Variants in KRT8 observed in about 807,000 individuals in gnomAD.
The protein encoded by KRT8 is keratin, type II cytoskeletal 8.
A neutral mutation model predicts 43.0 loss-of-function variants in KRT8; 24 were observed. The observed-to-expected ratio is 0.56, with a 90% CI of 0.40 to 0.78. The LOEUF is 0.78. KRT8 is among the 30% of genes least tolerant of loss of function. The pLI is 0.00. For synonymous variants in KRT8, 214 were observed against 261.2 expected, an observed-to-expected ratio of 0.82 and a Z score of 1.74; for missense variants, 492 against 638.4, an observed-to-expected ratio of 0.77 and a Z score of 2.47.
In KRT8 at chr12:52,924,133, C is replaced by T. The variant is rs377630624; in HGVS notation, c.-46-19106G>A. On this transcript the variant is annotated intron_variant, in intron 2 of 6. Coordinates refer to the KRT8 transcript ENST00000546826. ...CGAGTTGTGAGCCACCCACCACACC[C>T]GGCCAAAAGCATTATACTTAAAATC... Among the ~76,000 whole-genome samples, 133 of 152,226 alleles carry T rather than the reference C, an allele frequency of 8.7e-4. 1 individual carries two copies. Among genetic ancestry groups the T allele is most frequent in the Admixed American group, 1.8e-3 (28 of 15,278 alleles).
chr12:52,900,829 T>C (rs905740112), intron 3 of KRT8, 146 bp from the exon 4 acceptor site: 4 of 684,724 alleles, frequency 5.8e-6, no homozygotes, highest in Non-Finnish European at 1.1e-5. Flanking sequence ...CCTCTGCCCA[T>C]CACATGTGCA....
intron 2 of KRT8, among the ~76,000 whole-genome samples, chr12:52,938,136 C>CTATATATATATATATATACA (rs1942198983): frequency 2.3e-5 from 1 of 44,052 alleles, no homozygotes; most frequent in African/African-American, 8.2e-5. Flanking sequence ...CACTAGAAAG[C>CTATATATATATATATATACA]TATATATATA....
chr12:52,915,165 A>T (rs1156525811), intron 2 of KRT8, among the ~76,000 whole-genome samples: 1 of 152,044 alleles, frequency 6.6e-6, no homozygotes, highest in African/African-American at 2.4e-5. Context: ...TGAGGTCAGG[A>T]GATCGAGACC....
At chr12:52,949,007 G>A in intron 2 of KRT8, 1 of 583,974 alleles carries the variant, frequency 1.7e-6, no homozygotes, top group Non-Finnish European at 2.9e-6. Flanking sequence ...GGCCCGGGGC[G>A]GAGGGCGCGG....
intron 2 of KRT8, among the ~76,000 whole-genome samples, chr12:52,912,241 C>T (rs1352194210): frequency 2.0e-5 from 3 of 152,142 alleles, no homozygotes; most frequent in Admixed American, 1.3e-4. Flanking sequence ...AGGACTCCTG[C>T]AGTGGGGAAG....
chr12:52,907,032 T>C, upstream of KRT8: 1 of 249,902 alleles, frequency 4.0e-6, no homozygotes, highest in Non-Finnish European at 8.0e-6. Context: ...TTGAAGTCCC[T>C]TCCAGAAAAA....
At chr12:52,913,344 G>A (rs928135688) in intron 2 of KRT8, among the ~76,000 whole-genome samples, 1 of 152,132 alleles carries the variant, frequency 6.6e-6, no homozygotes, top group Non-Finnish European at 1.5e-5. Context: ...ACCTGATTCT[G>A]GTATTCCCCG....
At chr12:52,917,812 A>G (rs1197895867) in intron 2 of KRT8, among the ~76,000 whole-genome samples, 2 of 151,626 alleles carry the variant, frequency 1.3e-5, no homozygotes, top group Non-Finnish European at 2.9e-5. Context: ...CCTGGGAGGC[A>G]TAGGTTGCAG....
intron 5 of KRT8, 31 bp downstream of exon 5, chr12:52,899,744 G>A (rs1005976382): frequency 6.3e-7 from 1 of 1,595,834 alleles, no homozygotes; most frequent in Admixed American, 1.7e-5. Context: ...TGTGTCCAAG[G>A]AACCCCTCCC....
At chr12:52,901,036 T>C (rs770263829) in intron 3 of KRT8, 123 bp downstream of exon 3, 3 of 802,004 alleles carry the variant, frequency 3.7e-6, no homozygotes, top group Non-Finnish European at 6.8e-6. Context: ...ACCCAAATGT[T>C]TACATAAATG....
chr12:52,933,879 C>G (rs1942123615), intron 2 of KRT8, among the ~76,000 whole-genome samples: 1 of 151,714 alleles, frequency 6.6e-6, no homozygotes, highest in African/African-American at 2.4e-5. Context: ...CCCATCTCAG[C>G]CTCCCAAAGT....
chr12:52,899,669 G>T (rs1376933004), intron 5 of KRT8, 106 bp downstream of exon 5: 2 of 1,014,488 alleles, frequency 2.0e-6, no homozygotes, highest in Non-Finnish European at 1.5e-6. Context: ...CTGAACCCTG[G>T]TCTAGGATTC....
chr12:52,933,768 G>A lies in KRT8; in HGVS notation c.-47+15688C>T, dbSNP rs1942121988. On this transcript the variant is annotated intron_variant, in intron 2 of 6. Coordinates refer to the KRT8 transcript ENST00000546826. ...ACCTCCTGAGTAGCTGGGATTACAG[G>A]TGCCCACGACCATGCCTGGCTGATT... 2.0e-5 allele frequency among the ~76,000 whole-genome samples: 3 copies of A among 151,982 alleles called. 1 individual carries two copies. The highest frequency in any genetic ancestry group is 2.0e-4 in the Admixed American group (3 of 15,244).
rs1356954942 is a variant in KRT8 at position 52,949,129 on chromosome 12, C to A, written c.-47+327G>T. The stretch of plus-strand genomic sequence containing the variant: ...CGCGGCTCGCGCAGGCCGCCACCGT[C>A]GTCCGCAAAGCCTGAGTCCTGTCCT... On this transcript the variant is annotated intron_variant, in intron 2 of 6. Coordinates refer to the KRT8 transcript ENST00000546826. 3 of 1,573,560 alleles carry A rather than the reference C, an allele frequency of 1.9e-6. No individual in the cohort carries two copies. In the African/African-American group the frequency reaches 4.0e-5, roughly 21 times the overall value.
chr12:52,912,263 G>A (rs1941651472), intron 2 of KRT8, among the ~76,000 whole-genome samples: 1 of 152,150 alleles, frequency 6.6e-6, no homozygotes, highest in African/African-American at 2.4e-5. Flanking sequence ...CAGCAGAGGG[G>A]AGATTCCTTA....
intron 1 of KRT8, among the ~76,000 whole-genome samples, chr12:52,904,035 CGGGCGCCAAAGGCCTCA>C (rs1452428119): frequency 6.6e-5 from 10 of 152,038 alleles, no homozygotes; most frequent in Non-Finnish European, 1.5e-4. Context: ...CTCAGGCCTC[CGGGCGCCAAAGGCCTCA>C]ATCAATATTT....
intron 2 of KRT8, among the ~76,000 whole-genome samples, chr12:52,916,685 C>CCA (rs746732943): frequency 2.6e-4 from 40 of 152,246 alleles, no homozygotes; most frequent in Non-Finnish European, 4.4e-4. Flanking sequence ...TTGGTTCATC[C>CCA]CACACACACC....
intron 2 of KRT8, among the ~76,000 whole-genome samples, chr12:52,923,660 C>T (rs987765072): frequency 1.3e-5 from 2 of 151,932 alleles, no homozygotes; most frequent in African/African-American, 2.4e-5. Flanking sequence ...CCTCGTGATC[C>T]GCCCGCCTCG....
At chr12:52,949,842 T>G (rs1349248371) in exon 1 of KRT8, 1 of 701,662 alleles carries the variant, frequency 1.4e-6, no homozygotes, top group South Asian at 1.5e-5. Flanking sequence ...GTGGACAGCA[T>G]GGAGGGAGGT....
Sources: allele counts gnomAD v4.1 joint callset (sites outside exome capture counted in the v4.1 genomes callset), GRCh38; gene constraint gnomAD v4.1.1; transcripts MANE v1.5; gene names NCBI Gene and HGNC (gene_info 2026-07-23, HGNC 2026-07-21).